The following S100Z variants were observed in gnomAD, a reference collection of about 807,000 sequenced individuals.
S100Z encodes the protein S100 calcium binding protein Z.
A neutral mutation model predicts 8.5 loss-of-function variants in S100Z; 11 were observed. The observed-to-expected ratio is 1.30, with a 90% CI of 0.82 to 2.15. The LOEUF (loss-of-function observed/expected upper bound fraction) is 2.15. Among genes scored for constraint, S100Z ranks in the 30% most tolerant of loss-of-function variants. The pLI, the probability that S100Z is intolerant of heterozygous loss-of-function variation, is 0.00. For missense variants in S100Z, 126 were observed against 117.9 expected, an observed-to-expected ratio of 1.07 and a Z score of -0.32; for synonymous variants, 34 against 43.8, an observed-to-expected ratio of 0.78 and a Z score of 0.89.
chr5:76,938,524 C>T, the S100Z span, among the ~76,000 whole-genome samples: 1 of 152,182 alleles, frequency 6.6e-6, no homozygotes, highest in Admixed American at 6.5e-5. Flanking sequence ...CTGAAGCCTT[C>T]ACTTGGGGGC....
At chr5:76,928,985 C>G in the S100Z span, among the ~76,000 whole-genome samples, 1 of 152,220 alleles carries the variant, frequency 6.6e-6, no homozygotes, top group Admixed American at 6.5e-5. Context: ...CTCAAGTGTT[C>G]CTCCACCCTA....
At chr5:76,865,392 A>G (rs1751237810) in intron 1 of S100Z, among the ~76,000 whole-genome samples, 1 of 151,544 alleles carries the variant, frequency 6.6e-6, no homozygotes, top group South Asian at 2.1e-4. Flanking sequence ...TTACAGGTGC[A>G]CACCACCAGG....
At chr5:76,930,581 A>C in the S100Z span, among the ~76,000 whole-genome samples, 1 of 152,184 alleles carries the variant, frequency 6.6e-6, no homozygotes, top group Non-Finnish European at 1.5e-5. Flanking sequence ...TTCAATCCTC[A>C]GCAAGAAGTT....
intron 4 of S100Z, among the ~76,000 whole-genome samples, chr5:76,920,348 T>A (rs1246219229): frequency 6.6e-6 from 1 of 152,250 alleles, no homozygotes. Flanking sequence ...CTTTTTTATA[T>A]GTTTACTGGC....
chr5:76,860,209 G>T (rs781207151), intron 1 of S100Z, among the ~76,000 whole-genome samples: 2 of 152,042 alleles, frequency 1.3e-5, no homozygotes, highest in Admixed American at 1.3e-4. Context: ...TGAGAAGACC[G>T]CTCCCATTGT....
At chr5:76,945,509 A>C in the S100Z span, among the ~76,000 whole-genome samples, 1 of 152,208 alleles carries the variant, frequency 6.6e-6, no homozygotes, top group East Asian at 1.9e-4. Flanking sequence ...TTCTATTCTG[A>C]GATAGGAGAA....
At chr5:76,903,136 G>C (rs1744294089) in intron 4 of S100Z, among the ~76,000 whole-genome samples, 1 of 152,164 alleles carries the variant, frequency 6.6e-6, no homozygotes, top group Admixed American at 6.5e-5. Context: ...GCAGTGAGCT[G>C]AGATCATGCC....
At chr5:76,940,262 C>T in the S100Z span, among the ~76,000 whole-genome samples, 6 of 151,606 alleles carry the variant, frequency 4.0e-5, no homozygotes, top group South Asian at 2.1e-4. Flanking sequence ...GAACAAAGGA[C>T]GTGATCAGCA....
the S100Z span, among the ~76,000 whole-genome samples, chr5:76,934,930 TC>T: frequency 1.3e-5 from 2 of 152,202 alleles, no homozygotes; most frequent in Admixed American, 6.5e-5. Flanking sequence ...TTCCAACGCA[TC>T]CACCCTATTT....
intron 2 of S100Z, among the ~76,000 whole-genome samples, chr5:76,872,534 G>A (rs567313854): frequency 6.6e-6 from 1 of 152,056 alleles, no homozygotes; most frequent in South Asian, 2.1e-4. Flanking sequence ...GATAACATGT[G>A]CCTGTTGTCC....
chr5:76,879,730 A>G (rs1743327171), intron 4 of S100Z, among the ~76,000 whole-genome samples: 1 of 152,236 alleles, frequency 6.6e-6, no homozygotes, highest in Non-Finnish European at 1.5e-5. Flanking sequence ...GGAAGAGCCC[A>G]TAAGTGATAC....
chr5:76,907,386 C>G (rs1283926982), intron 4 of S100Z, among the ~76,000 whole-genome samples: 1 of 152,110 alleles, frequency 6.6e-6, no homozygotes, highest in Non-Finnish European at 1.5e-5. Context: ...TCACTGCAAG[C>G]TCTGCCTCCC....
the S100Z span, among the ~76,000 whole-genome samples, chr5:76,952,410 G>T: frequency 6.6e-6 from 1 of 152,232 alleles, no homozygotes; most frequent in African/African-American, 2.4e-5. Flanking sequence ...CCTGACACCA[G>T]AGTTAGTTTT....
At chr5:76,914,119 C>T (rs111321860) in intron 4 of S100Z, among the ~76,000 whole-genome samples, 3 of 152,134 alleles carry the variant, frequency 2.0e-5, no homozygotes, top group East Asian at 1.9e-4. Flanking sequence ...GCTGGCCCTT[C>T]CACTGGCCTA....
chr5:76,885,777 C>A (rs1410618287), intron 4 of S100Z, among the ~76,000 whole-genome samples: 1 of 132,998 alleles, frequency 7.5e-6, no homozygotes, highest in Non-Finnish European at 1.6e-5. Flanking sequence ...GAGACACAGA[C>A]AGAAGAGGTG....
the S100Z span, among the ~76,000 whole-genome samples, chr5:76,941,858 T>C: frequency 6.6e-6 from 1 of 152,212 alleles, no homozygotes; most frequent in Admixed American, 6.5e-5. Context: ...GCAGGAGACT[T>C]GTCTCTTCTC....
the S100Z span, among the ~76,000 whole-genome samples, chr5:76,938,284 A>G: frequency 9.9e-5 from 15 of 152,172 alleles, no homozygotes; most frequent in Admixed American, 9.8e-4. Flanking sequence ...AATCAAACAA[A>G]GTAGGTAAGA....
At chr5:76,911,161 A>C (rs888744414) in intron 4 of S100Z, among the ~76,000 whole-genome samples, 65 of 152,156 alleles carry the variant, frequency 4.3e-4, no homozygotes, top group Non-Finnish European at 6.3e-4. Flanking sequence ...TTCCTTATCA[A>C]AGGCAATATC....
At chr5:76,880,201 C>T (rs1743353195) in intron 4 of S100Z, among the ~76,000 whole-genome samples, 1 of 152,136 alleles carries the variant, frequency 6.6e-6, no homozygotes, top group South Asian at 2.1e-4. Flanking sequence ...AAACAAATTA[C>T]AATGGTGGAA....
Sources: gnomAD v4.1 joint callset for allele counts (sites outside exome capture counted in the v4.1 genomes callset) on GRCh38, gnomAD v4.1.1 for gene constraint, MANE v1.5 for transcripts, NCBI Gene and HGNC (gene_info 2026-07-23, HGNC 2026-07-21) for gene names.